Variants in GHR observed in about 807,000 individuals in gnomAD.
GHR encodes the protein GH receptor.
In GHR, 35 loss-of-function variants were observed where a neutral mutation model predicts 67.1. That is an observed-to-expected ratio of 0.52 (90% confidence interval 0.40 to 0.69). The LOEUF (loss-of-function observed/expected upper bound fraction) is 0.69. Among genes scored for constraint, GHR ranks in the 30% least tolerant of loss-of-function variants. GHR has a pLI of 0.00. For synonymous variants in GHR, 272 were observed against 269.1 expected (o/e 1.01, Z -0.10); for missense variants, 792 against 764.6 (o/e 1.04, Z -0.42).
rs939578314 is a variant in GHR at position 42,538,614 on chromosome 5, C to G, written c.-11-27250C>G. On this transcript the variant is annotated intron_variant, in intron 1 of 9. Coordinates refer to ENST00000230882, the MANE Select transcript of GHR (RefSeq NM_000163.5). ...TGCCTCACAGCTCTTAGAATTCTTTCTTTTGTCTTAACTTTAGATAACCTG... is the reference window on the plus strand; with the variant it reads ...TGCCTCACAGCTCTTAGAATTCTTTGTTTTGTCTTAACTTTAGATAACCTG... Among the ~76,000 whole-genome samples the G allele has an allele frequency of 7.9e-5, 12 of 152,112 alleles. 1 individual carries two copies. Among genetic ancestry groups the G allele is most frequent in the Admixed American group, 5.9e-4 (9 of 15,276 alleles).
rs192762426 is a variant in GHR at position 42,685,702 on chromosome 5, G to A, written c.137-3188G>A. Among the ~76,000 whole-genome samples the A allele has an allele frequency of 7.2e-5, 11 of 152,244 alleles. No individual in the cohort carries two copies. In the East Asian group the frequency reaches 1.4e-3, roughly 19 times the overall value. The stretch of plus-strand genomic sequence containing the variant: ...CATTTCTCTGATGACCGGTGATGAC[G>A]AGCATTTTTTCATGTGTCTGTTGGC... On this transcript the variant is annotated intron_variant, in intron 3 of 9. Coordinates refer to ENST00000230882, the MANE Select transcript of GHR (RefSeq NM_000163.5).
chr5:42,688,928 C>T lies in GHR; in HGVS notation c.175C>T (p.Pro59Ser). ...GCCTAAATTCACCAAGTGCCGTTCA[C>T]CTGAGCGAGAGACTTTTTCATGCCA... ...KEPKFTKCRS[P>S]ERETFSCHWT... The change falls in exon 4 of 10, where the codon CCT becomes TCT. Residue 59 changes from proline (P) to serine (S), a missense_variant. Pro to Ser is a moderately conservative substitution (Grantham distance 74). Coordinates refer to ENST00000230882, the MANE Select transcript of GHR (RefSeq NM_000163.5). 6.2e-7 allele frequency: 1 copy of T among 1,613,612 alleles called. No homozygotes were observed. Among genetic ancestry groups the T allele is most frequent in the Middle Eastern group, 1.7e-4 (1 of 6,060 alleles).
At chr5:42,665,247 G>T (rs542584856) in intron 3 of GHR, among the ~76,000 whole-genome samples, 225 of 152,102 alleles carry the variant, frequency 1.5e-3, no homozygotes, top group African/African-American at 5.0e-3. Context: ...CCCATTACTG[G>T]GTATATACCC....
chr5:42,696,519 G>A (rs1265962307), intron 5 of GHR, among the ~76,000 whole-genome samples: 3 of 152,150 alleles, frequency 2.0e-5, no homozygotes, highest in Non-Finnish European at 2.9e-5. Flanking sequence ...TACCACAGTG[G>A]ACTTGCCTTT....
At chr5:42,532,562 C>T (rs1748022948) in intron 1 of GHR, among the ~76,000 whole-genome samples, 1 of 152,060 alleles carries the variant, frequency 6.6e-6, no homozygotes, top group African/African-American at 2.4e-5. Context: ...TTTTCTCTGC[C>T]ACCCCAGAGA....
At chr5:42,465,615 C>CT in intron 1 of GHR, 1 of 1,039,570 alleles carries the variant, frequency 9.6e-7, no homozygotes, top group Non-Finnish European at 1.5e-6. Flanking sequence ...TTGGGGGACT[C>CT]TGTTAATTCA....
At chr5:42,695,159 A>T in intron 5 of GHR, 70 bp downstream of exon 5, 1 of 983,674 alleles carries the variant, frequency 1.0e-6, no homozygotes, top group South Asian at 1.3e-5. Context: ...TGCAAGGTCC[A>T]AGTATAATCA....
At chr5:42,692,914 A>G (rs564971639) in intron 4 of GHR, among the ~76,000 whole-genome samples, 18 of 152,284 alleles carry the variant, frequency 1.2e-4, no homozygotes, top group African/African-American at 4.3e-4. Context: ...TTTTCTTACA[A>G]CTACTCTCTT....
intron 2 of GHR, among the ~76,000 whole-genome samples, chr5:42,622,257 A>T (rs944668004): frequency 1.3e-5 from 2 of 152,180 alleles, no homozygotes; most frequent in African/African-American, 2.4e-5. Context: ...CTTCATCAAT[A>T]TAACTTTGTG....
intron 1 of GHR, among the ~76,000 whole-genome samples, chr5:42,552,743 G>C (rs1379311973): frequency 1.3e-5 from 2 of 152,124 alleles, no homozygotes; most frequent in African/African-American, 4.8e-5. Flanking sequence ...AGAATCAGAA[G>C]GTCATTTGAC....
At chr5:42,711,657 C>A (rs1262487589) in intron 7 of GHR, among the ~76,000 whole-genome samples, 2 of 151,938 alleles carry the variant, frequency 1.3e-5, no homozygotes, top group Admixed American at 1.3e-4. Context: ...TCAGATGATT[C>A]TTTTCTTTAT....
At chr5:42,560,426 T>C (rs1749542711) in intron 1 of GHR, among the ~76,000 whole-genome samples, 1 of 152,152 alleles carries the variant, frequency 6.6e-6, no homozygotes, top group African/African-American at 2.4e-5. Flanking sequence ...TCTCTTGACC[T>C]TGTGATCCAC....
chr5:42,537,113 C>A (rs953790292), intron 1 of GHR, among the ~76,000 whole-genome samples: 1 of 151,904 alleles, frequency 6.6e-6, no homozygotes, highest in South Asian at 2.1e-4. Flanking sequence ...AAATAACCAG[C>A]TTTTTGTTTT....
chr5:42,489,740 G>A (rs561281304), intron 1 of GHR, among the ~76,000 whole-genome samples: 1 of 152,104 alleles, frequency 6.6e-6, no homozygotes, highest in South Asian at 2.1e-4. Flanking sequence ...GTCTCATCTT[G>A]GGCATTTTGA....
intron 3 of GHR, among the ~76,000 whole-genome samples, chr5:42,645,375 G>T (rs1401445655): frequency 6.6e-6 from 1 of 152,166 alleles, no homozygotes; most frequent in African/African-American, 2.4e-5. Flanking sequence ...TCCCAATGGA[G>T]ATTCCAAGAC....
chr5:42,570,340 A>G (rs1412880754), intron 2 of GHR, among the ~76,000 whole-genome samples: 1 of 152,206 alleles, frequency 6.6e-6, no homozygotes, highest in Non-Finnish European at 1.5e-5. Context: ...TACATCAGCA[A>G]TCCTCTGTCC....
In GHR at chr5:42,509,226, A is replaced by G. The variant is rs139980159; in HGVS notation, c.-11-56638A>G. Among the ~76,000 whole-genome samples the G allele has an allele frequency of 4.0e-3, 602 of 152,260 alleles. 2 individuals carry two copies. Among genetic ancestry groups the G allele is most frequent in the African/African-American group, 0.014 (564 of 41,546 alleles). ...CTGAGAGTTCAATGTTACTGTGGAA[A>G]ATGCACACTGTGGTGACTTGTTTCA... On this transcript the variant is annotated intron_variant, in intron 1 of 9. Coordinates refer to ENST00000230882, the MANE Select transcript of GHR (RefSeq NM_000163.5).
chr5:42,647,472 G>T (rs962666099), intron 3 of GHR, among the ~76,000 whole-genome samples: 6 of 151,760 alleles, frequency 4.0e-5, no homozygotes, highest in South Asian at 2.1e-4. Flanking sequence ...TACTCTGGAG[G>T]CTGAGGCAGG....
chr5:42,483,291 G>C (rs1281034308), intron 1 of GHR, among the ~76,000 whole-genome samples: 1 of 152,078 alleles, frequency 6.6e-6, no homozygotes, highest in Non-Finnish European at 1.5e-5. Flanking sequence ...GGATCAAGCA[G>C]TCTGCCCACC....
Sources: gnomAD v4.1 joint callset for allele counts (sites outside exome capture counted in the v4.1 genomes callset) on GRCh38, gnomAD v4.1.1 for gene constraint, MANE v1.5 for transcripts, NCBI Gene and HGNC (gene_info 2026-07-23, HGNC 2026-07-21) for gene names.